CCDC30: variants seen among roughly 807,000 people sequenced by gnomAD.
CCDC30 encodes coiled-coil domain containing 30, also known as coiled-coil domain-containing protein 30.
In CCDC30, 70 loss-of-function variants were observed where a neutral mutation model predicts 100.2. The ratio of observed to expected loss-of-function variants is 0.70; its 90% CI spans 0.58 to 0.85. CCDC30 has a LOEUF of 0.85. CCDC30 is among the 40% of genes least tolerant of loss of function. The pLI, the probability that CCDC30 is intolerant of heterozygous loss-of-function variation, is 0.00. For missense variants in CCDC30, 652 were observed against 771.2 expected (o/e 0.85, Z 1.83); for synonymous variants, 233 against 269.5 (o/e 0.86, Z 1.33).
intron 15 of CCDC30, among the ~76,000 whole-genome samples, chr1:42,648,764 GT>G (rs200108809): frequency 9.9e-5 from 15 of 150,864 alleles, no homozygotes; most frequent in Admixed American, 2.6e-4. Context: ...AAAAAGTTGG[GT>G]TTTTTTTTAA....
At chr1:42,536,728 T>A in intron 6 of CCDC30, 127 bp downstream of exon 7, 1 of 671,266 alleles carries the variant, frequency 1.5e-6, no homozygotes, top group Non-Finnish European at 2.6e-6. Context: ...CACCACAGAC[T>A]AGGTGGCTCA....
chr1:42,474,363 A>T (rs1383299330), intron 1 of CCDC30, among the ~76,000 whole-genome samples: 1 of 152,194 alleles, frequency 6.6e-6, no homozygotes, highest in Non-Finnish European at 1.5e-5. Context: ...TGTGAGATTT[A>T]TACAGGTTAG....
chr1:42,486,331 A>G (rs1193459898), intron 3 of CCDC30, among the ~76,000 whole-genome samples: 1 of 152,228 alleles, frequency 6.6e-6, no homozygotes, highest in Non-Finnish European at 1.5e-5. Context: ...GACTGCTTAT[A>G]ACAGTCACAA....
chr1:42,580,474 G>A (rs534741469), intron 8 of CCDC30, among the ~76,000 whole-genome samples: 4 of 151,854 alleles, frequency 2.6e-5, no homozygotes, highest in Admixed American at 2.6e-4. Context: ...TATATTAGAG[G>A]GATAATAGCT....
At chr1:42,632,706 G>C (rs1304383409) in intron 11 of CCDC30, among the ~76,000 whole-genome samples, 1 of 151,378 alleles carries the variant, frequency 6.6e-6, no homozygotes, top group African/African-American at 2.4e-5. Context: ...GTTGCAGTGA[G>C]CCGAGATCGT....
At chr1:42,633,285 A>G (rs987336535) in intron 11 of CCDC30, among the ~76,000 whole-genome samples, 1 of 152,140 alleles carries the variant, frequency 6.6e-6, no homozygotes, top group African/African-American at 2.4e-5. Context: ...GGGCCTGATG[A>G]ATTTTGCATG....
At chr1:42,598,704 A>C (rs945082834) in intron 10 of CCDC30, among the ~76,000 whole-genome samples, 3 of 152,122 alleles carry the variant, frequency 2.0e-5, no homozygotes, top group African/African-American at 7.2e-5. Flanking sequence ...GAGAATGTCA[A>C]AGTTGGTCAT....
chr1:42,491,939 T>G lies in CCDC30; in HGVS notation c.241+1710T>G, dbSNP rs1644150107. On this transcript the variant is annotated intron_variant, in intron 4 of 16. Coordinates refer to ENST00000668663, the Ensembl canonical transcript of CCDC30. ...CTGATAGCCTCAAGCGTCGTGTGTTTGAAGTGAGTCTTGCTGATCTGCAGA... is the reference window on the plus strand; with the variant it reads ...CTGATAGCCTCAAGCGTCGTGTGTTGGAAGTGAGTCTTGCTGATCTGCAGA... 6 of 808,832 alleles carry G rather than the reference T, an allele frequency of 7.4e-6. No homozygotes were observed. In the East Asian group the frequency reaches 1.7e-4, roughly 23 times the overall value. The allele number at this position is 808,832 out of a possible 1,614,324, so 50.1% of individuals were successfully genotyped here. A position where few individuals can be genotyped will look rare whatever the true frequency, so the allele number is the denominator to read the frequency against.
intron 8 of CCDC30, 99 bp from the exon 13 acceptor site, chr1:42,581,261 T>A: frequency 1.2e-6 from 1 of 849,308 alleles, no homozygotes; most frequent in Non-Finnish European, 1.9e-6. Context: ...GATTAATATG[T>A]TAGCACTGCT....
chr1:42,482,773 C>T, exon 3 of CCDC30: 2 of 1,233,628 alleles, frequency 1.6e-6, no homozygotes, highest in East Asian at 6.3e-5. Context: ...TTCAAAGGCT[C>T]ACTGATGAAC....
At chr1:42,605,929 C>G (rs1646492916) in intron 10 of CCDC30, among the ~76,000 whole-genome samples, 1 of 152,080 alleles carries the variant, frequency 6.6e-6, no homozygotes, top group Non-Finnish European at 1.5e-5. Flanking sequence ...CACTTGTATG[C>G]AGATTCTTTT....
rs867640164 is a variant in CCDC30 at position 42,614,688 on chromosome 1, G to T, written c.1277+3598G>T. On this transcript the variant is annotated intron_variant, in intron 11 of 16. Coordinates refer to ENST00000668663, the Ensembl canonical transcript of CCDC30. ...TGTGGTCCCAGCTACTCAGGAGGCT[G>T]AGGCAAGAGGACCACTTGAGCCCAG... Among the ~76,000 whole-genome samples the T allele has an allele frequency of 1.3e-5, 2 of 151,666 alleles. 1 individual carries two copies. The highest frequency in any genetic ancestry group is 4.8e-5 in the African/African-American group (2 of 41,268).
intron 11 of CCDC30, among the ~76,000 whole-genome samples, chr1:42,615,290 C>T (rs1646703903): frequency 6.6e-6 from 1 of 152,004 alleles, no homozygotes; most frequent in Non-Finnish European, 1.5e-5. Context: ...TAAGCAACTC[C>T]TTTGGTTTGT....
chr1:42,595,268 C>T (rs568563264), intron 10 of CCDC30: 3 of 152,296 alleles, frequency 2.0e-5, no homozygotes, highest in Non-Finnish European at 4.4e-5. Context: ...AAATCCAGGC[C>T]AGGCGTGGTG....
At chr1:42,629,948 A>G (rs1234554159) in intron 11 of CCDC30, among the ~76,000 whole-genome samples, 6 of 146,602 alleles carry the variant, frequency 4.1e-5, no homozygotes, top group East Asian at 2.0e-4. Context: ...TAAGGCCAAT[A>G]ACTCTTAGAT....
chr1:42,482,553 A>G (rs1643978945), intron 2 of CCDC30, 110 bp from the exon 3 acceptor site: 1 of 561,116 alleles, frequency 1.8e-6, no homozygotes, highest in Non-Finnish European at 2.6e-6. Flanking sequence ...AGAAATACAC[A>G]TAGATATTGT....
At chr1:42,490,959 T>C (rs561693578) in intron 4 of CCDC30, among the ~76,000 whole-genome samples, 1 of 151,788 alleles carries the variant, frequency 6.6e-6, no homozygotes, top group East Asian at 1.9e-4. Flanking sequence ...CAGTGGTGAA[T>C]TAATCTGACC....
At chr1:42,652,240 T>C (rs1648412236) in intron 15 of CCDC30, among the ~76,000 whole-genome samples, 2 of 152,262 alleles carry the variant, frequency 1.3e-5, no homozygotes, top group South Asian at 4.1e-4. Context: ...CCACATCTTC[T>C]CACTTAAATG....
At chr1:42,521,755 TTATGA>T (rs1330639835) in intron 6 of CCDC30, among the ~76,000 whole-genome samples, 3 of 151,992 alleles carry the variant, frequency 2.0e-5, no homozygotes, top group African/African-American at 7.2e-5. Context: ...ATATGTGTAA[TTATGA>T]TATATTTTTA....
Sources: allele counts gnomAD v4.1 joint callset (sites outside exome capture counted in the v4.1 genomes callset), GRCh38; gene constraint gnomAD v4.1.1; transcripts MANE v1.5; gene names NCBI Gene and HGNC (gene_info 2026-07-23, HGNC 2026-07-21).